B3GNT8: variants seen among roughly 807,000 people sequenced by gnomAD.
B3GNT8 encodes the protein UDP-GlcNAc:betaGal beta-1,3-N-acetylglucosaminyltransferase 8.
For synonymous variants in B3GNT8, 258 were observed against 238.3 expected, an observed-to-expected ratio of 1.08 and a Z score of -0.76; for missense variants, 502 against 530.5, an observed-to-expected ratio of 0.95 and a Z score of 0.53.
At chr19:41,428,003 G>A (rs1160116622), upstream of B3GNT8, among the ~76,000 whole-genome samples, 4 of 151,700 alleles carry the variant, frequency 2.6e-5, no homozygotes, top group South Asian at 2.1e-4. The surrounding 1 kb of genome is among the most constrained non-coding windows in gnomAD (Gnocchi z 6.1). Flanking sequence ...GAGAGAAGAC[G>A]GGCAAGTGGG....
chr19:41,425,402 A>G lies in B3GNT8; in HGVS notation c.*183T>C. 4.5e-6 allele frequency: 2 copies of G among 441,844 alleles called. No individual in the cohort carries two copies. Among genetic ancestry groups the G allele is most frequent in the South Asian group, 9.4e-5 (1 of 10,690 alleles). 27.4% of individuals were successfully genotyped at this position (441,844 alleles called of 1,614,324 possible). A position where few individuals can be genotyped will look rare whatever the true frequency, so the allele number is the denominator to read the frequency against. On this transcript the variant is annotated 3_prime_UTR_variant, in exon 2 of 2. Transcript: ENST00000691102. The stretch of plus-strand genomic sequence containing the variant: ...GTTTTTCAAAAACAAAAAGTAGGCA[A>G]AAACAGTCCACCACCCCATCTTTCC...
In B3GNT8 at chr19:41,425,875, G is replaced by A. The variant is rs2039426773; in HGVS notation, c.904C>T (p.Pro302Ser). The change falls in exon 2 of 2, where the codon CCA (proline) becomes TCA (serine). Residue 302 changes from proline to serine, a missense_variant. Physicochemically the swap from Pro to Ser is moderately conservative, Grantham distance 74 (BLOSUM62 -1). Transcript: ENST00000691102. The stretch of plus-strand genomic sequence containing the variant: ...TAGCCACCCCCGCTTGCATAGGCTG[G>A]GTAGCCACCTTCGAAGAAGGACTCG... ...VPESFFEGGY[P>S]AYASGGGYVI... The A allele has an allele frequency of 3.1e-6, 5 of 1,613,064 alleles. No homozygotes were observed. The highest frequency in any genetic ancestry group is 4.2e-6 in the Non-Finnish European group (5 of 1,180,006).
chr19:41,425,426 C>A lies in B3GNT8; in HGVS notation c.*159G>T. ...AAAAACAGTCCACCACCCCATCTTT[C>A]CTGCCCAGGCCCCTGGCTGGGGGAG... On this transcript the variant is annotated 3_prime_UTR_variant, in exon 2 of 2. Coordinates refer to ENST00000691102, the MANE Select transcript of B3GNT8 (RefSeq NM_001385648.2). 2.0e-6 allele frequency: 1 copy of A among 509,540 alleles called. No homozygotes were observed. Among genetic ancestry groups the A allele is most frequent in the Non-Finnish European group, 3.3e-6 (1 of 307,356 alleles). The allele number at this position is 509,540 out of a possible 1,614,324, so 31.6% of individuals were successfully genotyped here. A position where few individuals can be genotyped will look rare whatever the true frequency, so the allele number is the denominator to read the frequency against.
chr19:41,428,055 G>A (rs1599970415), upstream of B3GNT8, among the ~76,000 whole-genome samples: 1 of 151,790 alleles, frequency 6.6e-6, no homozygotes, highest in South Asian at 2.1e-4. This position sits in a 1 kb window ranked among gnomAD's most constrained non-coding sequence, Gnocchi z 6.1. Context: ...TGGAGATGGC[G>A]AGAAAGATAA....
In B3GNT8 at chr19:41,426,415, C is replaced by T; in HGVS notation, c.364G>A (p.Ala122Thr). The change falls in exon 2 of 2, where the codon GCA (alanine) becomes ACA (threonine). Residue 122 changes from alanine (A) to threonine (T), a missense_variant. By Grantham distance (58) the Ala-to-Thr change is moderately conservative (BLOSUM62 0). Coordinates refer to ENST00000691102, the MANE Select transcript of B3GNT8 (RefSeq NM_001385648.2). This position sits in a 1 kb window ranked among gnomAD's most constrained non-coding sequence, Gnocchi z 4.9. Reference sequence around the variant, plus strand: ...CACTGTGGGAAGCTCCGGCAGGCTGCTGACAGCAAGAAGCGGCGGAGGTCC... The same window carrying T: ...CACTGTGGGAAGCTCCGGCAGGCTGTTGACAGCAAGAAGCGGCGGAGGTCC... ...PKDLRRFLLS[A>T]ACRSFPQWLP... The T allele has an allele frequency of 6.2e-7, 1 of 1,611,774 alleles. No individual in the cohort carries two copies. The highest frequency in any genetic ancestry group is 1.7e-5 in the Admixed American group (1 of 60,008).
rs188960721 is a variant in B3GNT8, at chr19:41,425,900, G to A, written c.879C>T (p.Pro293=). ...GGTAGCCACCTTCGAAGAAGGACTC[G>A]GGCACATAGAAGGGTCCTCCTGGCT... The part of the protein sequence containing the change: ...LRKPGGPFYV[P]ESFFEGGYPA... Residue 293 remains proline, a synonymous_variant, in exon 2 of 2, where the codon CCC becomes CCT. Transcript: ENST00000691102. The A allele has an allele frequency of 2.1e-5, 34 of 1,613,212 alleles. No homozygotes were observed. Among genetic ancestry groups the A allele is most frequent in the Middle Eastern group, 1.6e-4 (1 of 6,062 alleles).
Position 41,426,281 on chromosome 19 carries a change from G to A in B3GNT8, c.498C>T (p.Ala166=), listed in dbSNP as rs778795734. ...SEPGRFAERQ[A]VRETWGSPAP... ...CTGGACTGCCCCACGTCTCTCTCACGGCCTGTCGTTCTGCAAAGCGCCCTG... is the reference window on the plus strand; with the variant it reads ...CTGGACTGCCCCACGTCTCTCTCACAGCCTGTCGTTCTGCAAAGCGCCCTG... Residue 166 remains alanine, a synonymous_variant, in exon 2 of 2, where the codon GCC becomes GCT. Coordinates refer to ENST00000691102, the MANE Select transcript of B3GNT8 (RefSeq NM_001385648.2). The surrounding 1 kb of genome is among the most constrained non-coding windows in gnomAD (Gnocchi z 4.9). The A allele has an allele frequency of 9.9e-6, 16 of 1,613,228 alleles. No individual in the cohort carries two copies. The highest frequency in any genetic ancestry group is 2.2e-5 in the South Asian group (2 of 91,086).
rs756191178 is a variant in B3GNT8, at chr19:41,425,848, C to T, written c.931G>A (p.Val311Ile). ...YPAYASGGGY[V>I]IAGRLAPWLL... ...CAGGGTGCCAGGCGCCCGGCAATGA[C>T]GTAGCCACCCCCGCTTGCATAGGCT... The change falls in exon 2 of 2, where the codon GTC becomes ATC. Residue 311 changes from valine to isoleucine, a missense_variant. Physicochemically the swap from Val to Ile is conservative, Grantham distance 29. Coordinates refer to ENST00000691102, the MANE Select transcript of B3GNT8 (RefSeq NM_001385648.2). 1.4e-5 allele frequency: 23 copies of T among 1,613,004 alleles called. No homozygotes were observed. Among genetic ancestry groups the T allele is most frequent in the Middle Eastern group, 1.6e-4 (1 of 6,084 alleles).
Position 41,425,995 on chromosome 19 carries a change from C to T in B3GNT8, c.784G>A (p.Ala262Thr). The T allele has an allele frequency of 6.2e-7, 1 of 1,612,064 alleles. No individual in the cohort carries two copies. The highest frequency in any genetic ancestry group is 1.7e-5 in the Admixed American group (1 of 59,990). Residue 262 changes from alanine to threonine, a missense_variant, in exon 2 of 2, where the codon GCC becomes ACC. By Grantham distance (58) the Ala-to-Thr change is moderately conservative (BLOSUM62 0). Coordinates refer to ENST00000691102, the MANE Select transcript of B3GNT8 (RefSeq NM_001385648.2). Reference sequence around the variant, plus strand: ...CTTCGGGCCGAGGCAGGTGGCAGGGCCCGCAGGTGAGCCAGCAGGGCAGGG... The same window carrying T: ...CTTCGGGCCGAGGCAGGTGGCAGGGTCCGCAGGTGAGCCAGCAGGGCAGGG... ...HTPALLAHLR[A>T]LPPASARSLY...
chr19:41,426,219 G>T lies in B3GNT8; in HGVS notation c.560C>A (p.Pro187Gln). Residue 187 changes from proline to glutamine, a missense_variant, in exon 2 of 2, where the codon CCG becomes CAG. Transcript: ENST00000691102. This position sits in a 1 kb window ranked among gnomAD's most constrained non-coding sequence, Gnocchi z 4.9. Reference sequence around the variant, plus strand: ...TAGGTCAGGCCCCGCCTCACCCACCGGAGACCCTAGCAGGAAGAGCAGCCG... The same window carrying T: ...TAGGTCAGGCCCCGCCTCACCCACCTGAGACCCTAGCAGGAAGAGCAGCCG... ...GIRLLFLLGS[P>Q]VGEAGPDLDS... 1 of 1,613,536 alleles carries T rather than the reference G, an allele frequency of 6.2e-7. No individual in the cohort carries two copies. The highest frequency in any genetic ancestry group is 8.5e-7 in the Non-Finnish European group (1 of 1,179,928).
At chr19:41,427,442 A>G (rs909962510), upstream of B3GNT8, 6 of 157,152 alleles carry the variant, frequency 3.8e-5, no homozygotes, top group Non-Finnish European at 5.7e-5. This position sits in a 1 kb window ranked among gnomAD's most constrained non-coding sequence, Gnocchi z 5.6. Flanking sequence ...GAGCGGGAGC[A>G]GGGAGGGCCC....
chr19:41,425,937 A>G lies in B3GNT8; in HGVS notation c.842T>C (p.Met281Thr). ...GGGTCCTCCTGGCTTCCGGAGAGGC[A>G]TGGCCTGGGTAAAGACCTCACCCAG... ...LYLGEVFTQA[M>T]PLRKPGGPFY... The change falls in exon 2 of 2, where the codon ATG (methionine) becomes ACG (threonine). Residue 281 changes from methionine (M) to threonine (T), a missense_variant. Physicochemically the swap from Met to Thr is moderately conservative, Grantham distance 81. Transcript: ENST00000691102. The G allele has an allele frequency of 6.2e-7, 1 of 1,613,246 alleles. No individual in the cohort carries two copies. Among genetic ancestry groups the G allele is most frequent in the Non-Finnish European group, 8.5e-7 (1 of 1,179,996 alleles).
At position 41,425,993 on chromosome 19, in the gene B3GNT8, G is replaced by A. The variant is rs1055520194; in HGVS notation, c.786C>T (p.Ala262=). ...HTPALLAHLR[A]LPPASARSLY... is the part of the protein sequence containing the mutation. ...GGCTTCGGGCCGAGGCAGGTGGCAG[G>A]GCCCGCAGGTGAGCCAGCAGGGCAG... The change falls in exon 2 of 2, where the codon GCC becomes GCT. Residue 262 remains alanine, a synonymous_variant. Coordinates refer to ENST00000691102, the MANE Select transcript of B3GNT8 (RefSeq NM_001385648.2). 6.2e-7 allele frequency: 1 copy of A among 1,612,134 alleles called. No homozygotes were observed. Among genetic ancestry groups the A allele is most frequent in the Non-Finnish European group, 8.5e-7 (1 of 1,178,916 alleles).
upstream of B3GNT8, chr19:41,427,510 G>A: frequency 6.4e-6 from 1 of 155,942 alleles, no homozygotes; most frequent in South Asian, 1.9e-4. The surrounding 1 kb of genome is among the most constrained non-coding windows in gnomAD (Gnocchi z 5.6). Flanking sequence ...AGGGAGGAGG[G>A]CAGGAGGCCG....
At position 41,425,482 on chromosome 19, in the gene B3GNT8, TG is replaced by T; in HGVS notation, c.*102del. On this transcript the variant is annotated 3_prime_UTR_variant, in exon 2 of 2. Coordinates refer to ENST00000691102, the MANE Select transcript of B3GNT8 (RefSeq NM_001385648.2). Reference sequence around the variant, plus strand: ...GGAGTGGCTTAAGTTGTCCAGCTTCTGGGCCCTCCTCCCTCCCATCAAGACC... The same window carrying T: ...GGAGTGGCTTAAGTTGTCCAGCTTCTGGCCCTCCTCCCTCCCATCAAGACC... 2.0e-6 allele frequency: 2 copies of T among 976,824 alleles called. No individual in the cohort carries two copies. The highest frequency in any genetic ancestry group is 2.8e-6 in the Non-Finnish European group (2 of 713,982). 60.5% of individuals were successfully genotyped at this position (976,824 alleles called of 1,614,324 possible). A position where few individuals can be genotyped will look rare whatever the true frequency, so the allele number is the denominator to read the frequency against.
Position 41,425,903 on chromosome 19 carries a change from C to T in B3GNT8, c.876G>A (p.Val292=), listed in dbSNP as rs759154284. 1 of 1,613,212 alleles carries T rather than the reference C, an allele frequency of 6.2e-7. No individual in the cohort carries two copies. Among genetic ancestry groups the T allele is most frequent in the Non-Finnish European group, 8.5e-7 (1 of 1,180,016 alleles). ...AGCCACCTTCGAAGAAGGACTCGGG[C>T]ACATAGAAGGGTCCTCCTGGCTTCC... The part of the protein sequence containing the change: ...PLRKPGGPFY[V]PESFFEGGYP... Residue 292 remains valine, a synonymous_variant, in exon 2 of 2, where the codon GTG becomes GTA. Transcript: ENST00000691102.
In B3GNT8 at chr19:41,426,520, C is replaced by T. The variant is rs757902667; in HGVS notation, c.259G>A (p.Asp87Asn). 3 of 1,591,796 alleles carry T rather than the reference C, an allele frequency of 1.9e-6. No homozygotes were observed. The South Asian group carries it at 3.4e-5, about 18-fold the overall frequency. ...QWRLGSLPSGDSTETGGCQAW... is the reference protein window; with the variant it reads ...QWRLGSLPSGNSTETGGCQAW... ...TGGCAGCCCCCCGTTTCAGTGCTGT[C>T]CCCACTGGGCAGGGACCCCAGCCGC... Residue 87 changes from aspartate (D) to asparagine (N), a missense_variant, in exon 2 of 2, where the codon GAC (aspartate) becomes AAC (asparagine). Physicochemically the swap from Asp to Asn is conservative, Grantham distance 23. Transcript: ENST00000691102. This position sits in a 1 kb window ranked among gnomAD's most constrained non-coding sequence, Gnocchi z 4.9.
chr19:41,425,762 A>G lies in B3GNT8; in HGVS notation c.1017T>C (p.Leu339=). 1 of 1,601,598 alleles carries G rather than the reference A, an allele frequency of 6.2e-7. No homozygotes were observed. The highest frequency in any genetic ancestry group is 8.5e-7 in the Non-Finnish European group (1 of 1,172,670). ...PFPFEDVYTG[L]CIRALGLVPQ... ...GCACCAGGCCCAGGGCTCGGATGCA[A>G]AGGCCAGTGTAGACGTCCTCAAAGG... The change falls in exon 2 of 2, where the codon CTT becomes CTC. Residue 339 remains leucine (L), a synonymous_variant. Transcript: ENST00000691102.
Position 41,426,746 on chromosome 19 carries a change from T to C in B3GNT8, c.33A>G (p.Ser11=). The part of the protein sequence containing the change: MRCPKCLLCL[S]ALLTLLGLKV... ...TGAGGCCCAGGAGTGTGAGCAGTGCTGACAGGCAGAGAAGGCACTTGGGGC... is the reference window on the plus strand; with the variant it reads ...TGAGGCCCAGGAGTGTGAGCAGTGCCGACAGGCAGAGAAGGCACTTGGGGC... Residue 11 remains serine (S), a synonymous_variant, in exon 2 of 2, where the codon TCA becomes TCG. Coordinates refer to ENST00000691102, the MANE Select transcript of B3GNT8 (RefSeq NM_001385648.2). This position sits in a 1 kb window ranked among gnomAD's most constrained non-coding sequence, Gnocchi z 4.9. 1 of 1,612,972 alleles carries C rather than the reference T, an allele frequency of 6.2e-7. No homozygotes were observed. Among genetic ancestry groups the C allele is most frequent in the Non-Finnish European group, 8.5e-7 (1 of 1,179,896 alleles).
Sources: allele counts gnomAD v4.1 joint callset (sites outside exome capture counted in the v4.1 genomes callset), GRCh38; gene constraint gnomAD v4.1.1; non-coding constraint Gnocchi (gnomAD v3.1); transcripts MANE v1.5; gene names NCBI Gene and HGNC (gene_info 2026-07-23, HGNC 2026-07-21).